The following CERKL variants were observed in gnomAD, a reference collection of about 807,000 sequenced individuals.
CERKL encodes the protein ceramide kinase-like protein.
In CERKL, 61 loss-of-function variants were observed where a neutral mutation model predicts 63.4. The observed-to-expected ratio is 0.96, with a 90% CI of 0.78 to 1.19. The LOEUF is 1.19. Among genes scored for constraint, CERKL ranks in the 50% most tolerant of loss-of-function variants. CERKL has a pLI of 0.00. For missense variants in CERKL, 675 were observed against 655.5 expected (o/e 1.03, Z -0.33); for synonymous variants, 250 against 230.5 (o/e 1.08, Z -0.77).
At chr2:181,563,915 AG>A (rs1688552458) in intron 4 of CERKL, among the ~76,000 whole-genome samples, 1 of 152,120 alleles carries the variant, frequency 6.6e-6, no homozygotes, top group African/African-American at 2.4e-5. Flanking sequence ...AGCTATTTAA[AG>A]TGGTCCCCAA....
rs1687139945 is a variant in CERKL at position 181,536,864 on chromosome 2, T to TTTTGAACATCTGTTA, written c.*1305_*1319dup. ...CCTTCATAAGAGAGCTGTGGCCGAA[T>TTTTGAACATCTGTTA]TTTGAACATCTGTTATAGGGAGTGA... On this transcript the variant is annotated 3_prime_UTR_variant, in exon 13 of 13. Coordinates refer to ENST00000410087, the MANE Select transcript of CERKL (RefSeq NM_201548.5). The TTTTGAACATCTGTTA allele has an allele frequency of 2.3e-6, 1 of 432,888 alleles. No homozygotes were observed. Among genetic ancestry groups the TTTTGAACATCTGTTA allele is most frequent in the Non-Finnish European group, 4.6e-6 (1 of 217,000 alleles). The allele number at this position is 432,888 out of a possible 1,614,324, so 26.8% of individuals were successfully genotyped here.
intron 2 of CERKL, among the ~76,000 whole-genome samples, chr2:181,583,923 T>C (rs1013524444): frequency 4.6e-5 from 7 of 152,212 alleles, no homozygotes; most frequent in African/African-American, 1.7e-4. Flanking sequence ...TAAATGTTAA[T>C]AAGCAATTAT....
At chr2:181,651,855 A>G (rs1034914382) in intron 1 of CERKL, among the ~76,000 whole-genome samples, 2 of 150,364 alleles carry the variant, frequency 1.3e-5, no homozygotes, top group Admixed American at 1.3e-4. Flanking sequence ...GCATTTCTAT[A>G]CACTAATATT....
At chr2:181,541,126 T>C (rs1687485828) in intron 11 of CERKL, among the ~76,000 whole-genome samples, 1 of 152,208 alleles carries the variant, frequency 6.6e-6, no homozygotes, top group Non-Finnish European at 1.5e-5. Context: ...GATAAGATCT[T>C]TAAAGAGACG....
At chr2:181,616,707 A>G (rs1203367697) in intron 1 of CERKL, among the ~76,000 whole-genome samples, 2 of 152,158 alleles carry the variant, frequency 1.3e-5, no homozygotes, top group African/African-American at 4.8e-5. Context: ...ATCATAGACA[A>G]TCTTCTAAAG....
chr2:181,565,986 A>G, intron 4 of CERKL, 72 bp downstream of exon 4: 1 of 1,010,348 alleles, frequency 9.9e-7, no homozygotes, highest in Non-Finnish European at 1.6e-6. Context: ...GGTTCCAAAT[A>G]TGTAGCTAAA....
chr2:181,611,335 T>C (rs878857969), intron 1 of CERKL, among the ~76,000 whole-genome samples: 1 of 152,006 alleles, frequency 6.6e-6, no homozygotes, highest in Non-Finnish European at 1.5e-5. Flanking sequence ...TAAAAAAAAG[T>C]ATATTCATAT....
chr2:181,656,627 C>A (rs1688168756), intron 1 of CERKL, 142 bp downstream of exon 1: 7 of 708,594 alleles, frequency 9.9e-6, no homozygotes, highest in Admixed American at 3.2e-5. Flanking sequence ...GACTCGGTAA[C>A]CTGTCCGGGC....
intron 2 of CERKL, among the ~76,000 whole-genome samples, chr2:181,589,400 G>T (rs112816939): frequency 6.6e-6 from 1 of 152,152 alleles, no homozygotes; most frequent in South Asian, 2.1e-4. Flanking sequence ...AGTTACTTGG[G>T]TTAGCTTTTT....
intron 1 of CERKL, among the ~76,000 whole-genome samples, chr2:181,615,706 T>C (rs1686161247): frequency 6.6e-6 from 1 of 152,224 alleles, no homozygotes; most frequent in South Asian, 2.1e-4. Flanking sequence ...CTGAGATAAA[T>C]CTGTGAAGCA....
chr2:181,605,196 CACAGGGCAGAT>C, intron 1 of CERKL, among the ~76,000 whole-genome samples: 1 of 152,312 alleles, frequency 6.6e-6, no homozygotes, highest in Middle Eastern at 3.4e-3. Context: ...ATCTCCAGGT[CACAGGGCAGAT>C]ACAGGAATCC....
At chr2:181,655,332 A>C (rs1251286274) in intron 1 of CERKL, among the ~76,000 whole-genome samples, 1 of 152,216 alleles carries the variant, frequency 6.6e-6, no homozygotes, top group Non-Finnish European at 1.5e-5. Flanking sequence ...CTCTCATTGC[A>C]CAATGTCTCA....
chr2:181,577,371 G>A (rs1162107994), intron 2 of CERKL, among the ~76,000 whole-genome samples: 1 of 152,124 alleles, frequency 6.6e-6, no homozygotes, highest in African/African-American at 2.4e-5. Context: ...ACTTTTAAGA[G>A]AGGAAAAAGG....
chr2:181,581,215 C>T (rs533680740), intron 2 of CERKL, among the ~76,000 whole-genome samples: 8 of 152,274 alleles, frequency 5.3e-5, no homozygotes, highest in South Asian at 4.1e-4. Context: ...TTCAATTGAA[C>T]GACTATCATG....
At chr2:181,546,151 C>G (rs1459160844) in intron 10 of CERKL, among the ~76,000 whole-genome samples, 1 of 152,130 alleles carries the variant, frequency 6.6e-6, no homozygotes, top group Admixed American at 6.6e-5. Context: ...GAAGAAATCT[C>G]TAATTAGTCA....
chr2:181,599,947 A>G (rs1449333883), intron 2 of CERKL, among the ~76,000 whole-genome samples: 1 of 152,210 alleles, frequency 6.6e-6, no homozygotes, highest in Non-Finnish European at 1.5e-5. Context: ...AAAGGCATCT[A>G]GAGAAAAGGG....
At chr2:181,570,942 G>A (rs569097822) in intron 3 of CERKL, among the ~76,000 whole-genome samples, 18 of 152,182 alleles carry the variant, frequency 1.2e-4, no homozygotes, top group Non-Finnish European at 2.2e-4. Context: ...CACTGGACAT[G>A]CAGAAGATAT....
At chr2:181,557,356 G>C (rs942010388) in intron 5 of CERKL, among the ~76,000 whole-genome samples, 1 of 152,144 alleles carries the variant, frequency 6.6e-6, no homozygotes, top group African/African-American at 2.4e-5. Context: ...TTTTCTTCTA[G>C]GGTTTTTATG....
intron 10 of CERKL, among the ~76,000 whole-genome samples, chr2:181,547,222 T>C (rs977180742): frequency 6.6e-6 from 1 of 152,156 alleles, no homozygotes; most frequent in African/African-American, 2.4e-5. Flanking sequence ...ACTAATACAG[T>C]ATCAAATATA....
Sources: gnomAD v4.1 joint callset for allele counts (sites outside exome capture counted in the v4.1 genomes callset) on GRCh38, gnomAD v4.1.1 for gene constraint, MANE v1.5 for transcripts, NCBI Gene and HGNC (gene_info 2026-07-23, HGNC 2026-07-21) for gene names.